ROCK1: variants seen among roughly 807,000 people sequenced by gnomAD.
The protein encoded by ROCK1 is rho-associated protein kinase 1.
Under a neutral mutation model 196.8 loss-of-function variants are expected in ROCK1, and 36 were observed. That is an observed-to-expected ratio of 0.18 (90% CI 0.14 to 0.24). ROCK1 has a LOEUF of 0.24. Ranked by LOEUF, ROCK1 falls within the 10% of genes least tolerant of loss-of-function variation. The pLI is 1.00. For synonymous variants in ROCK1, 443 were observed against 515.9 expected (o/e 0.86, Z 1.91); for missense variants, 920 against 1,562.0 (o/e 0.59, Z 6.93).
chr18:21,026,837 T>G (rs2035961791), intron 10 of ROCK1, among the ~76,000 whole-genome samples: 1 of 152,176 alleles, frequency 6.6e-6, no homozygotes, highest in Admixed American at 6.5e-5. Context: ...AAGTACATAT[T>G]TTTGAGGTAA....
At chr18:21,033,011 T>C (rs1284036160) in intron 9 of ROCK1, among the ~76,000 whole-genome samples, 1 of 151,748 alleles carries the variant, frequency 6.6e-6, no homozygotes, top group Non-Finnish European at 1.5e-5. Flanking sequence ...CTGGGCAACA[T>C]AGCAAGACCC....
intron 22 of ROCK1, 98 bp downstream of exon 22, chr18:20,979,812 C>A: frequency 7.3e-7 from 1 of 1,363,802 alleles, no homozygotes; most frequent in Non-Finnish European, 9.8e-7. Context: ...GTGTTCTATA[C>A]CATTCCCACC....
At chr18:20,951,836 C>T (rs751879318) in intron 32 of ROCK1, among the ~76,000 whole-genome samples, 3 of 152,138 alleles carry the variant, frequency 2.0e-5, no homozygotes, top group African/African-American at 4.8e-5. Flanking sequence ...ACATTGGCAG[C>T]GAGGCAAATC....
At chr18:20,963,455 A>T (rs2035345518) in intron 27 of ROCK1, among the ~76,000 whole-genome samples, 1 of 151,904 alleles carries the variant, frequency 6.6e-6, no homozygotes, top group African/African-American at 2.4e-5. Flanking sequence ...AGTCAGATAC[A>T]CCAACTTCAA....
chr18:21,020,718 G>A (rs2035906583), intron 11 of ROCK1, among the ~76,000 whole-genome samples: 1 of 152,178 alleles, frequency 6.6e-6, no homozygotes, highest in Admixed American at 6.5e-5. Flanking sequence ...GCACAAGAAA[G>A]GCATTTTAGC....
intron 1 of ROCK1, among the ~76,000 whole-genome samples, chr18:21,084,786 G>A (rs1387576496): frequency 1.3e-5 from 2 of 152,080 alleles, no homozygotes; most frequent in Non-Finnish European, 2.9e-5. Context: ...GAAGGGATTC[G>A]AACAGATATT....
At chr18:21,042,344 T>A in intron 7 of ROCK1, 109 bp from the exon 8 acceptor site, 1 of 1,095,744 alleles carries the variant, frequency 9.1e-7, no homozygotes, top group Non-Finnish European at 1.3e-6. Flanking sequence ...AGGTATGTAT[T>A]AAACTAAAAA....
chr18:20,952,055 CTTAA>C (rs2035193035), intron 32 of ROCK1, among the ~76,000 whole-genome samples: 1 of 152,186 alleles, frequency 6.6e-6, no homozygotes, highest in Non-Finnish European at 1.5e-5. Flanking sequence ...AAAATGAGAA[CTTAA>C]TGAGATGAGA....
chr18:21,057,158 A>C (rs2036251088), intron 2 of ROCK1, among the ~76,000 whole-genome samples: 1 of 152,244 alleles, frequency 6.6e-6, no homozygotes, highest in Admixed American at 6.5e-5. Flanking sequence ...ACCTCCAAAT[A>C]GGATGTTGTG....
chr18:21,096,259 G>C (rs1415017567), intron 1 of ROCK1, among the ~76,000 whole-genome samples: 1 of 151,704 alleles, frequency 6.6e-6, no homozygotes, highest in African/African-American at 2.4e-5. Flanking sequence ...AAGTGCAGTG[G>C]CACAATCTTG....
At chr18:21,064,394 A>G (rs145990879) in intron 2 of ROCK1, among the ~76,000 whole-genome samples, 156 of 152,340 alleles carry the variant, frequency 1.0e-3, no homozygotes, top group African/African-American at 3.6e-3. Flanking sequence ...TCTGTGTATC[A>G]TTACATTCTC....
chr18:21,092,528 G>A (rs186062316), intron 1 of ROCK1, among the ~76,000 whole-genome samples: 2 of 143,502 alleles, frequency 1.4e-5, no homozygotes, highest in African/African-American at 2.7e-5. Context: ...AGGCTGCAGT[G>A]AGCCATGATC....
chr18:21,027,124 A>G (rs2035965148), intron 10 of ROCK1, among the ~76,000 whole-genome samples: 1 of 151,962 alleles, frequency 6.6e-6, no homozygotes, highest in South Asian at 2.1e-4. Context: ...TTTTTAGTAG[A>G]GACGGGGTTT....
intron 1 of ROCK1, among the ~76,000 whole-genome samples, chr18:21,106,632 C>T (rs2036705581): frequency 6.6e-6 from 1 of 152,132 alleles, no homozygotes; most frequent in Admixed American, 6.5e-5. Context: ...GAAATAGCTC[C>T]CGATAATCCT....
At chr18:21,021,169 C>T (rs944447709) in intron 11 of ROCK1, among the ~76,000 whole-genome samples, 3 of 152,078 alleles carry the variant, frequency 2.0e-5, no homozygotes, top group Non-Finnish European at 4.4e-5. Context: ...GATATAATAC[C>T]ATTATGAAAG....
rs1003172133 is a variant in ROCK1 at position 20,948,225 on chromosome 18, A to C, written c.*3159T>G. On this transcript the variant is annotated 3_prime_UTR_variant, in exon 33 of 33. Transcript: ENST00000399799. ...AGATATAAAATCTTATTATAAAGTT[A>C]CAGTAATTAAAAGTGTGATATTGGC... The C allele has an allele frequency of 9.9e-5, 15 of 152,226 alleles. No individual in the cohort carries two copies. The highest frequency in any genetic ancestry group is 3.4e-4 in the African/African-American group (14 of 41,442). The allele number at this position is 152,226 out of a possible 1,614,324, so 9.4% of individuals were successfully genotyped here. A position where few individuals can be genotyped will look rare whatever the true frequency, so the allele number is the denominator to read the frequency against.
At position 20,979,477 on chromosome 18, in the gene ROCK1, C is replaced by T. The variant is rs569057834; in HGVS notation, c.2654+433G>A. On this transcript the variant is annotated intron_variant, in intron 22 of 32. Coordinates refer to ENST00000399799, the MANE Select transcript of ROCK1 (RefSeq NM_005406.3). ...TCTCTACTAAAAATACAAAAATTAG[C>T]GGAGCGTGGTGGCGCACGCCTGTAA... 1.8e-4 allele frequency among the ~76,000 whole-genome samples: 27 copies of T among 152,032 alleles called. No individual in the cohort carries two copies. In the East Asian group the frequency reaches 1.9e-3, roughly 11 times the overall value.
chr18:21,078,034 T>A (rs540233244), intron 1 of ROCK1, among the ~76,000 whole-genome samples: 2 of 152,128 alleles, frequency 1.3e-5, no homozygotes, highest in South Asian at 4.2e-4. Flanking sequence ...CCATCAGCAA[T>A]AAAAAACAAA....
In ROCK1 at chr18:21,042,124, T is replaced by G; in HGVS notation, c.932A>C (p.Asn311Thr). 1 of 1,602,114 alleles carries G rather than the reference T, an allele frequency of 6.2e-7. No homozygotes were observed. Among genetic ancestry groups the G allele is most frequent in the Non-Finnish European group, 8.5e-7 (1 of 1,176,898 alleles). ...GTCAGTAAGGAAGGCACAAATAAGGTTTTTTGCTTCTTTTGATATGTCATT... is the reference window on the plus strand; with the variant it reads ...GTCAGTAAGGAAGGCACAAATAAGGGTTTTTGCTTCTTTTGATATGTCATT... ...DDNDISKEAKNLICAFLTDRE... is the reference protein window; with the variant it reads ...DDNDISKEAKTLICAFLTDRE... The change falls in exon 8 of 33, where the codon AAC (asparagine) becomes ACC (threonine). Residue 311 changes from asparagine to threonine, a missense_variant. Physicochemically the swap from Asn to Thr is moderately conservative, Grantham distance 65. Around this residue, in one of 6 missense-constraint regions of ROCK1, gnomAD observed 234 missense variants for 460.7 expected, o/e 0.51. Coordinates refer to ENST00000399799, the MANE Select transcript of ROCK1 (RefSeq NM_005406.3).
Sources: gnomAD v4.1 joint callset for allele counts (sites outside exome capture counted in the v4.1 genomes callset) on GRCh38, gnomAD v4.1.1 for gene constraint, gnomAD v4.1.1 regional missense constraint, MANE v1.5 for transcripts, NCBI Gene and HGNC (gene_info 2026-07-23, HGNC 2026-07-21) for gene names.